The following OSBPL5 variants were observed in gnomAD, a reference collection of about 807,000 sequenced individuals.
OSBPL5 encodes the protein oxysterol-binding protein-related protein 5.
A neutral mutation model predicts 111.2 loss-of-function variants in OSBPL5; 71 were observed. The ratio of observed to expected loss-of-function variants is 0.64; its 90% CI spans 0.53 to 0.78. The LOEUF is 0.78. OSBPL5 is among the 30% of genes least tolerant of loss of function. The pLI, the probability that OSBPL5 is intolerant of heterozygous loss-of-function variation, is 0.00. For missense variants in OSBPL5, 1,210 were observed against 1,189.3 expected, an observed-to-expected ratio of 1.02 and a Z score of -0.26; for synonymous variants, 549 against 513.9, an observed-to-expected ratio of 1.07 and a Z score of -0.93.
In OSBPL5 at chr11:3,153,363, C is replaced by A. The variant is rs140365324; in HGVS notation, c.-22+11853G>T. 5.3e-3 allele frequency among the ~76,000 whole-genome samples: 804 copies of A among 152,262 alleles called. 7 individuals are homozygous for A. The highest frequency in any genetic ancestry group is 0.018 in the African/African-American group (761 of 41,538). On this transcript the variant is annotated intron_variant, in intron 1 of 21. Transcript: ENST00000263650. ...AGGGTTCCAGTGTTTCTCATGTAGA[C>A]CTCAAGGTTGCATGTAATGCATTTT...
chr11:3,103,933 T>A (rs116671125), intron 10 of OSBPL5, among the ~76,000 whole-genome samples: 6,940 of 147,124 alleles, frequency 0.047, 564 homozygotes, highest in African/African-American at 0.16. Context: ...GCCCATCCCA[T>A]CCAGCTCGAG....
At chr11:3,119,685 A>T in intron 6 of OSBPL5, 54 bp from the exon 7 acceptor site, 1 of 1,529,200 alleles carries the variant, frequency 6.5e-7, no homozygotes, top group Non-Finnish European at 8.8e-7. Flanking sequence ...GGCCAGCTGC[A>T]CAGATAGGTC....
At chr11:3,103,345 AC>A (rs2134411001) in intron 10 of OSBPL5, 25 bp from the exon 11 acceptor site, 1 of 1,583,974 alleles carries the variant, frequency 6.3e-7, no homozygotes, top group Non-Finnish European at 8.6e-7. Flanking sequence ...GAGAACGCTG[AC>A]CCCAGCTCCG....
At position 3,104,428 on chromosome 11, in the gene OSBPL5, G is replaced by A. The variant is rs1857627670; in HGVS notation, c.1060-51C>T. The A allele has an allele frequency of 6.3e-7, 1 of 1,582,586 alleles. No individual in the cohort carries two copies. The highest frequency in any genetic ancestry group is 1.1e-5 in the South Asian group (1 of 89,466). On this transcript the variant is annotated intron_variant, in intron 9 of 21. Transcript: ENST00000263650. This position sits in a 1 kb window ranked among gnomAD's most constrained non-coding sequence, Gnocchi z 5.0. Reference sequence around the variant, plus strand: ...CCCTGCCCGGAAGAGCCGGGAGGAAGGGGTGGCGGGACAGTGGCAGCTCTG... The same window carrying A: ...CCCTGCCCGGAAGAGCCGGGAGGAAAGGGTGGCGGGACAGTGGCAGCTCTG...
At chr11:3,150,700 C>T (rs2134540844) in intron 1 of OSBPL5, among the ~76,000 whole-genome samples, 2 of 152,350 alleles carry the variant, frequency 1.3e-5, no homozygotes, top group Middle Eastern at 6.8e-3. Flanking sequence ...TCCCAGCTCA[C>T]TGCTGACAGC....
At chr11:3,145,277 C>T (rs996488357) in intron 1 of OSBPL5, among the ~76,000 whole-genome samples, 3 of 152,206 alleles carry the variant, frequency 2.0e-5, no homozygotes, top group Admixed American at 6.5e-5. Context: ...CTCCAGCCTC[C>T]GGATGAAGCC....
rs191266004 is a variant in OSBPL5, at chr11:3,113,326, C to T, written c.692-5381G>A. The stretch of plus-strand genomic sequence containing the variant: ...AATACCATGAGGTGTCAAAATTTGG[C>T]ATAGGAGTTACGAAACTATAAACCC... On this transcript the variant is annotated intron_variant, in intron 7 of 21. Coordinates refer to ENST00000263650, the MANE Select transcript of OSBPL5 (RefSeq NM_020896.4). This position sits in a 1 kb window ranked among gnomAD's most constrained non-coding sequence, Gnocchi z 4.8. 4.6e-5 allele frequency among the ~76,000 whole-genome samples: 7 copies of T among 151,860 alleles called. No homozygotes were observed. The East Asian group carries it at 1.4e-3, about 29-fold the overall frequency.
intron 11 of OSBPL5, 38 bp from the exon 12 acceptor site, chr11:3,102,319 G>C (rs745594827): frequency 6.4e-7 from 1 of 1,553,358 alleles, no homozygotes; most frequent in South Asian, 1.2e-5. Flanking sequence ...AGCCAGGTGG[G>C]TAAGAGGTCC....
At chr11:3,117,256 C>G (rs1858245082) in intron 7 of OSBPL5, among the ~76,000 whole-genome samples, 1 of 152,222 alleles carries the variant, frequency 6.6e-6, no homozygotes, top group Non-Finnish European at 1.5e-5. Context: ...CATACCTCAT[C>G]TACACAGTCC....
intron 5 of OSBPL5, among the ~76,000 whole-genome samples, chr11:3,120,898 C>A (rs1337471410): frequency 6.6e-6 from 1 of 152,142 alleles, no homozygotes; most frequent in East Asian, 1.9e-4. Flanking sequence ...GGTCCTTGTT[C>A]AGTTTTTAAA....
chr11:3,143,210 G>C lies in OSBPL5; in HGVS notation c.-21-14041C>G, dbSNP rs1272120615. Among the ~76,000 whole-genome samples, 7 of 106,868 alleles carry C rather than the reference G, an allele frequency of 6.6e-5. No homozygotes were observed. In the East Asian group the frequency reaches 2.5e-3, roughly 38 times the overall value. 70.1% of individuals were successfully genotyped at this position (106,868 alleles called of 152,430 possible). The stretch of plus-strand genomic sequence containing the variant: ...CCGGGCAGAGGAGGCAGGTGCAGAG[G>C]GGGGCAGAGGAGGCAGGTGCGGGGG... On this transcript the variant is annotated intron_variant, in intron 1 of 21. Transcript: ENST00000263650.
In OSBPL5 at chr11:3,119,783, G is replaced by T. The variant is rs1858339054; in HGVS notation, c.607-152C>A. On this transcript the variant is annotated intron_variant, in intron 6 of 21. Coordinates refer to ENST00000263650, the MANE Select transcript of OSBPL5 (RefSeq NM_020896.4). The stretch of plus-strand genomic sequence containing the variant: ...CAGGTGGGGCCAGGCACCTGGCCAG[G>T]TAGACACTTGGCTGCAGAGAGGCGG... 11 of 617,132 alleles carry T rather than the reference G, an allele frequency of 1.8e-5. No individual in the cohort carries two copies. In the South Asian group the frequency reaches 2.4e-4, roughly 13 times the overall value. The allele number at this position is 617,132 out of a possible 1,614,324, so 38.2% of individuals were successfully genotyped here. A position where few individuals can be genotyped will look rare whatever the true frequency, so the allele number is the denominator to read the frequency against.
chr11:3,093,799 A>C lies in OSBPL5; in HGVS notation c.1756T>G (p.Ser586Ala), dbSNP rs773721471. Residue 586 changes from serine to alanine, a missense_variant, in exon 16 of 22, where the codon TCG (serine) becomes GCG (alanine). Physicochemically the swap from Ser to Ala is moderately conservative, Grantham distance 99 (BLOSUM62 1). Transcript: ENST00000263650. ...FGGSTSINQI[S>A]GKITSGEEVL... ...TCCTCTCCCGACGTGATCTTTCCCG[A>C]GATCTGGTTGATGCTGGTGCTACCC... 1 of 1,612,946 alleles carries C rather than the reference A, an allele frequency of 6.2e-7. No homozygotes were observed. Among genetic ancestry groups the C allele is most frequent in the Non-Finnish European group, 8.5e-7 (1 of 1,179,974 alleles).
At chr11:3,143,255 G>A (rs935596323) in intron 1 of OSBPL5, among the ~76,000 whole-genome samples, 24 of 142,434 alleles carry the variant, frequency 1.7e-4, no homozygotes, top group African/African-American at 4.2e-4. Flanking sequence ...AGGCAGGTGC[G>A]GAGCGGGGCA....
chr11:3,108,021 G>T, intron 7 of OSBPL5, 76 bp from the exon 8 acceptor site: 1 of 1,530,482 alleles, frequency 6.5e-7, no homozygotes, highest in Non-Finnish European at 8.8e-7. Flanking sequence ...CCACCAGGAG[G>T]CTCCCCCTCA....
chr11:3,142,198 C>T lies in OSBPL5; in HGVS notation c.-21-13029G>A, dbSNP rs1975546. 0.5 allele frequency among the ~76,000 whole-genome samples: 76,802 copies of T among 152,140 alleles called. 20,407 individuals carry two copies. The highest frequency in any genetic ancestry group is 0.6 in the Non-Finnish European group (40,616 of 67,966). ...CGTCCCAAAGTGCTGGGATTACAGG[C>T]GTGAGCCACCGTGCCCGGCCGACAG... On this transcript the variant is annotated intron_variant, in intron 1 of 21. Transcript: ENST00000263650. The surrounding 1 kb of genome is among the most constrained non-coding windows in gnomAD (Gnocchi z 7.1).
intron 6 of OSBPL5, 36 bp downstream of exon 6, chr11:3,120,384 CG>C: frequency 6.3e-7 from 1 of 1,587,360 alleles, no homozygotes. Flanking sequence ...CTTGGCCCTA[CG>C]GGGCCTCTGT....
rs1171409557 is a variant in OSBPL5 at position 3,107,501 on chromosome 11, C to G, written c.867-46G>C. On this transcript the variant is annotated intron_variant, in intron 8 of 21. Transcript: ENST00000263650. The surrounding 1 kb of genome is among the most constrained non-coding windows in gnomAD (Gnocchi z 6.1). Reference sequence around the variant, plus strand: ...GTGGGTCCCTGTCACAGGTGAGAGCCCAGCACAGCCCTCTGGGCTGCCCAC... The same window carrying G: ...GTGGGTCCCTGTCACAGGTGAGAGCGCAGCACAGCCCTCTGGGCTGCCCAC... The G allele has an allele frequency of 6.3e-7, 1 of 1,599,774 alleles. No homozygotes were observed. Among genetic ancestry groups the G allele is most frequent in the Admixed American group, 1.7e-5 (1 of 59,460 alleles).
intron 12 of OSBPL5, 127 bp from the exon 13 acceptor site, chr11:3,101,826 T>A: frequency 1.3e-6 from 1 of 790,986 alleles, no homozygotes; most frequent in Non-Finnish European, 2.0e-6. Context: ...GATCCCAGGA[T>A]TCGGGTAGGG....
Sources: gnomAD v4.1 joint callset for allele counts (sites outside exome capture counted in the v4.1 genomes callset) on GRCh38, gnomAD v4.1.1 for gene constraint, Gnocchi (gnomAD v3.1) non-coding constraint, MANE v1.5 for transcripts, NCBI Gene and HGNC (gene_info 2026-07-23, HGNC 2026-07-21) for gene names.